The following PIEZO2 variants were observed in gnomAD, a reference collection of about 807,000 sequenced individuals.
The protein encoded by PIEZO2 is piezo type mechanosensitive ion channel component 2.
A neutral mutation model predicts 337.3 loss-of-function variants in PIEZO2; 172 were observed. That is an observed-to-expected ratio of 0.51 (90% CI 0.45 to 0.58). The LOEUF (loss-of-function observed/expected upper bound fraction) is 0.58, where lower values mean the gene tolerates loss of function less well. PIEZO2 is among the 20% of genes least tolerant of loss of function. The pLI is 0.00. For missense variants in PIEZO2, 3,028 were observed against 3,391.3 expected, an observed-to-expected ratio of 0.89 and a Z score of 2.66; for synonymous variants, 1,251 against 1,228.5, an observed-to-expected ratio of 1.02 and a Z score of -0.38.
intron 1 of PIEZO2, among the ~76,000 whole-genome samples, chr18:11,133,991 G>C (rs915627857): frequency 3.3e-5 from 5 of 152,014 alleles, no homozygotes; most frequent in South Asian, 2.1e-4. Flanking sequence ...AAGAGCCAGG[G>C]GCTTTATAGG....
intron 1 of PIEZO2, among the ~76,000 whole-genome samples, chr18:11,114,499 C>T (rs547200397): frequency 6.6e-6 from 1 of 152,274 alleles, no homozygotes; most frequent in South Asian, 2.1e-4. Flanking sequence ...AACGTCATCT[C>T]TACTAAAAAT....
In PIEZO2 at chr18:11,045,088, G is replaced by T. The variant is rs190687042; in HGVS notation, c.160+21039C>A. Among the ~76,000 whole-genome samples the T allele has an allele frequency of 5.4e-4, 82 of 152,082 alleles. 1 individual carries two copies. Among genetic ancestry groups the T allele is most frequent in the Admixed American group, 2.6e-3 (40 of 15,278 alleles). On this transcript the variant is annotated intron_variant, in intron 2 of 55. Coordinates refer to ENST00000674853, the MANE Select transcript of PIEZO2 (RefSeq NM_001378183.1). ...AAGTGGGCGGATCACGAGGTCAGGA[G>T]ATTGAGACCATCCTGGCTACCACAG...
chr18:10,999,758 G>T (rs1436056298), intron 2 of PIEZO2, among the ~76,000 whole-genome samples: 1 of 152,112 alleles, frequency 6.6e-6, no homozygotes, highest in Non-Finnish European at 1.5e-5. Context: ...TAGAAAGCAA[G>T]TATTTATATT....
Position 10,847,294 on chromosome 18 carries a change from A to T in PIEZO2, c.917+8059T>A, listed in dbSNP as rs1056751008. 6.6e-6 allele frequency among the ~76,000 whole-genome samples: 1 copy of T among 152,214 alleles called. No individual in the cohort carries two copies. Among genetic ancestry groups the T allele is most frequent in the African/African-American group, 2.4e-5 (1 of 41,446 alleles). ...ATGGACCCTTTAGAATGAGTCACTG[A>T]GTCTGGCTAACTGTGGGGAATTCTA... is the stretch of plus-strand genomic sequence containing the variant. On this transcript the variant is annotated intron_variant, in intron 7 of 55. Coordinates refer to ENST00000674853, the MANE Select transcript of PIEZO2 (RefSeq NM_001378183.1). This position sits in a 1 kb window ranked among gnomAD's most constrained non-coding sequence, Gnocchi z 5.7.
rs530677590 is a variant in PIEZO2, at chr18:10,764,070, G to A, written c.2947-972C>T. On this transcript the variant is annotated intron_variant, in intron 21 of 55. Transcript: ENST00000674853. ...AACCTGTTGACTTTGGGCTGCATGC[G>A]AGTTCGTTGATCAGGCCAGATGTTC... Among the ~76,000 whole-genome samples the A allele has an allele frequency of 1.5e-4, 23 of 152,280 alleles. No individual in the cohort carries two copies. In the South Asian group the frequency reaches 3.1e-3, roughly 21 times the overall value.
At position 10,726,296 on chromosome 18, in the gene PIEZO2, C is replaced by A. The variant is rs2036535669; in HGVS notation, c.5029+5111G>T. 1.9e-6 allele frequency: 2 copies of A among 1,038,592 alleles called. No homozygotes were observed. The highest frequency in any genetic ancestry group is 2.8e-6 in the Non-Finnish European group (2 of 708,334). The allele number at this position is 1,038,592 out of a possible 1,614,324, so 64.3% of individuals were successfully genotyped here. ...GAGAATGGAAGCGTCGCGGCCAGAG[C>A]CCCGGCCAGGTGGAGCAGGTGGGTC... is the stretch of plus-strand genomic sequence containing the variant. On this transcript the variant is annotated intron_variant, in intron 36 of 55. Transcript: ENST00000674853. The surrounding 1 kb of genome is among the most constrained non-coding windows in gnomAD (Gnocchi z 5.9).
chr18:10,730,564 G>A (rs57027090), intron 36 of PIEZO2, among the ~76,000 whole-genome samples: 5 of 151,922 alleles, frequency 3.3e-5, no homozygotes, highest in South Asian at 2.1e-4. Context: ...TTTTATTATA[G>A]TTTGAAATAT....
Position 10,797,389 on chromosome 18 carries a change from G to C in PIEZO2, c.1512C>G (p.Ala504=), listed in dbSNP as rs1385501963. 6.5e-7 allele frequency: 1 copy of C among 1,536,518 alleles called. No homozygotes were observed. The highest frequency in any genetic ancestry group is 8.7e-7 in the Non-Finnish European group (1 of 1,146,570). The change falls in exon 12 of 56, where the codon GCC becomes GCG. Residue 504 remains alanine, a synonymous_variant. Coordinates refer to ENST00000674853, the MANE Select transcript of PIEZO2 (RefSeq NM_001378183.1). ...QFIMKQSYIC[A]LIAMMAWSIT... ...TCATACATACCATCATAGCTATGAG[G>C]GCACAGATGTAACTTTGTTTCATAA... is the stretch of plus-strand genomic sequence containing the variant.
Position 10,828,028 on chromosome 18 carries a change from G to C in PIEZO2, c.918-20754C>G, listed in dbSNP as rs1296209743. Among the ~76,000 whole-genome samples, 1 of 152,058 alleles carries C rather than the reference G, an allele frequency of 6.6e-6. No homozygotes were observed. The highest frequency in any genetic ancestry group is 1.5e-5 in the Non-Finnish European group (1 of 68,010). On this transcript the variant is annotated intron_variant, in intron 7 of 55. Coordinates refer to ENST00000674853, the MANE Select transcript of PIEZO2 (RefSeq NM_001378183.1). This position sits in a 1 kb window ranked among gnomAD's most constrained non-coding sequence, Gnocchi z 4.1. Reference sequence around the variant, plus strand: ...CACTAGGTTGATGGAGATTTTATAAGCAAAAGATGAATAAACATATAAACT... The same window carrying C: ...CACTAGGTTGATGGAGATTTTATAACCAAAAGATGAATAAACATATAAACT...
At chr18:10,763,222 C>CGT in intron 21 of PIEZO2, 124 bp from the exon 22 acceptor site, 3 of 986,646 alleles carry the variant, frequency 3.0e-6, no homozygotes, top group African/African-American at 1.6e-5. Flanking sequence ...TCCTAGCATG[C>CGT]GCAAGGAATT....
chr18:10,909,002 T>A (rs1157009610), intron 4 of PIEZO2, among the ~76,000 whole-genome samples: 1 of 152,190 alleles, frequency 6.6e-6, no homozygotes, highest in East Asian at 1.9e-4. Context: ...CCTGTTTTTG[T>A]AAATAAACTT....
At chr18:11,055,263 C>T (rs992620280) in intron 2 of PIEZO2, among the ~76,000 whole-genome samples, 11 of 148,614 alleles carry the variant, frequency 7.4e-5, no homozygotes, top group African/African-American at 2.6e-4. Flanking sequence ...GGCAGGGTCG[C>T]CCCACAGAGG....
chr18:10,749,216 T>C (rs2037548734), intron 29 of PIEZO2, among the ~76,000 whole-genome samples: 1 of 152,138 alleles, frequency 6.6e-6, no homozygotes, highest in Admixed American at 6.5e-5. Context: ...TCCCAGCACT[T>C]TGAGAGACTG....
At chr18:11,057,475 C>T (rs1264777798) in intron 2 of PIEZO2, among the ~76,000 whole-genome samples, 3 of 152,140 alleles carry the variant, frequency 2.0e-5, no homozygotes, top group African/African-American at 7.2e-5. Context: ...CCCTTCACAA[C>T]AGTATTGTAA....
chr18:10,840,493 T>C (rs965415511), intron 7 of PIEZO2, among the ~76,000 whole-genome samples: 6 of 152,224 alleles, frequency 3.9e-5, no homozygotes, highest in African/African-American at 7.2e-5. Flanking sequence ...ACCATTTTTA[T>C]ATCAACATTA....
chr18:10,674,972 C>G (rs922571762), intron 54 of PIEZO2, among the ~76,000 whole-genome samples: 1 of 152,142 alleles, frequency 6.6e-6, no homozygotes, highest in South Asian at 2.1e-4. Context: ...AAATTTGGTG[C>G]GAATATACGT....
intron 1 of PIEZO2, among the ~76,000 whole-genome samples, chr18:11,073,828 TAGA>T (rs888349840): frequency 4.0e-5 from 6 of 150,398 alleles, no homozygotes. Flanking sequence ...AGAAACGACT[TAGA>T]AGACAAATAA....
rs1335006566 is a variant in PIEZO2, at chr18:11,126,729, T to G, written c.64+21796A>C. On this transcript the variant is annotated intron_variant, in intron 1 of 55. Transcript: ENST00000674853. This position sits in a 1 kb window ranked among gnomAD's most constrained non-coding sequence, Gnocchi z 4.6. Reference sequence around the variant, plus strand: ...AAAGATCAACATCACAATAATAATTTACATTTATTAGATGCTTACTATATG... The same window carrying G: ...AAAGATCAACATCACAATAATAATTGACATTTATTAGATGCTTACTATATG... Among the ~76,000 whole-genome samples, 2 of 152,180 alleles carry G rather than the reference T, an allele frequency of 1.3e-5. No individual in the cohort carries two copies. Among genetic ancestry groups the G allele is most frequent in the African/African-American group, 2.4e-5 (1 of 41,444 alleles).
chr18:10,828,812 G>A lies in PIEZO2; in HGVS notation c.918-21538C>T, dbSNP rs2040755847. ...CTCACCCCATCACTTCCAAGCTGCT[G>A]CATCCTCAGTGTCTGGTGGATGCTT... On this transcript the variant is annotated intron_variant, in intron 7 of 55. Coordinates refer to ENST00000674853, the MANE Select transcript of PIEZO2 (RefSeq NM_001378183.1). The surrounding 1 kb of genome is among the most constrained non-coding windows in gnomAD (Gnocchi z 4.1). 6.6e-6 allele frequency among the ~76,000 whole-genome samples: 1 copy of A among 152,144 alleles called. No homozygotes were observed. Among genetic ancestry groups the A allele is most frequent in the South Asian group, 2.1e-4 (1 of 4,830 alleles).
Sources: gnomAD v4.1 joint callset for allele counts (sites outside exome capture counted in the v4.1 genomes callset) on GRCh38, gnomAD v4.1.1 for gene constraint, Gnocchi (gnomAD v3.1) non-coding constraint, MANE v1.5 for transcripts, NCBI Gene and HGNC (gene_info 2026-07-23, HGNC 2026-07-21) for gene names.